Variants in DTWD1 observed in about 807,000 individuals in gnomAD.
The protein encoded by DTWD1 is tRNA-uridine aminocarboxypropyltransferase 1.
A neutral mutation model predicts 30.2 loss-of-function variants in DTWD1; 27 were observed. The observed-to-expected ratio is 0.90, with a 90% CI of 0.66 to 1.23. The LOEUF (loss-of-function observed/expected upper bound fraction) is 1.23. Among genes scored for constraint, DTWD1 ranks in the 50% most tolerant of loss-of-function variants. DTWD1 has a pLI of 0.00. For synonymous variants in DTWD1, 99 were observed against 113.1 expected, an observed-to-expected ratio of 0.88 and a Z score of 0.79; for missense variants, 342 against 348.8, an observed-to-expected ratio of 0.98 and a Z score of 0.15.
chr15:49,623,281 A>G (rs2078793146), intron 1 of DTWD1, among the ~76,000 whole-genome samples: 1 of 152,190 alleles, frequency 6.6e-6, no homozygotes, highest in South Asian at 2.1e-4. Flanking sequence ...AAGCCTCAAA[A>G]TGTTTCTCTG....
At chr15:49,626,630 T>TA (rs1215425655) in intron 2 of DTWD1, 6,563 of 276,586 alleles carry the variant, frequency 0.024, 10 homozygotes, top group South Asian at 0.036. Context: ...AACTTGCCAG[T>TA]AAAAAAAAAA....
In DTWD1 at chr15:49,643,463, A is replaced by T. The variant is rs1365604001; in HGVS notation, c.800A>T (p.Lys267Ile). 6.2e-7 allele frequency: 1 copy of T among 1,609,934 alleles called. No homozygotes were observed. The highest frequency in any genetic ancestry group is 1.1e-5 in the South Asian group (1 of 90,294). ...GTAGACTACCATACTGATATATTAA[A>T]AGAGAAATACAGAGGGCAATATGAC... Reference protein sequence around the residue: ...FLVDYHTDILKEKYRGQYDNL... With the variant: ...FLVDYHTDILIEKYRGQYDNL... Residue 267 changes from lysine to isoleucine, a missense_variant, in exon 5 of 5, where the codon AAA becomes ATA. Lys to Ile is a moderately radical substitution (Grantham distance 102). Transcript: ENST00000403028.
In DTWD1 at chr15:49,643,441, G is replaced by A; in HGVS notation, c.778G>A (p.Asp260Asn). 1 of 1,605,826 alleles carries A rather than the reference G, an allele frequency of 6.2e-7. No individual in the cohort carries two copies. Among genetic ancestry groups the A allele is most frequent in the Non-Finnish European group, 8.5e-7 (1 of 1,176,798 alleles). Reference sequence around the variant, plus strand: ...TGAAGCCATTTACTACTTTCTGGTAGACTACCATACTGATATATTAAAAGA... The same window carrying A: ...TGAAGCCATTTACTACTTTCTGGTAAACTACCATACTGATATATTAAAAGA... The part of the protein sequence containing the change: ...TIEAIYYFLV[D>N]YHTDILKEKY... The change falls in exon 5 of 5, where the codon GAC becomes AAC. Residue 260 changes from aspartate (D) to asparagine (N), a missense_variant. Physicochemically the swap from Asp to Asn is conservative, Grantham distance 23. Transcript: ENST00000403028.
chr15:49,635,069 C>T (rs1287470945), intron 4 of DTWD1, among the ~76,000 whole-genome samples: 1 of 152,242 alleles, frequency 6.6e-6, no homozygotes. Flanking sequence ...CAGTCCCACT[C>T]TGTTGCCCAG....
intron 4 of DTWD1, among the ~76,000 whole-genome samples, chr15:49,635,497 GT>G (rs2078989531): frequency 1.3e-5 from 2 of 151,544 alleles, no homozygotes; most frequent in Admixed American, 1.3e-4. Flanking sequence ...TCTTGTTGTT[GT>G]TTGTTTGTTT....
chr15:49,631,632 G>A (rs1001426674), intron 2 of DTWD1, among the ~76,000 whole-genome samples: 2 of 152,082 alleles, frequency 1.3e-5, no homozygotes, highest in Non-Finnish European at 2.9e-5. Context: ...GGGCATGGTG[G>A]CAGGTGCCTG....
At chr15:49,632,821 C>T (rs560085797) in intron 3 of DTWD1, among the ~76,000 whole-genome samples, 44 of 152,072 alleles carry the variant, frequency 2.9e-4, no homozygotes, top group African/African-American at 9.9e-4. Context: ...CACCCAGTTG[C>T]AATTGTCACA....
Position 49,654,436 on chromosome 15 carries a change from G to C in DTWD1, c.*10858G>C, listed in dbSNP as rs961494951. 1 of 151,948 alleles carries C rather than the reference G, an allele frequency of 6.6e-6. No homozygotes were observed. The highest frequency in any genetic ancestry group is 2.4e-5 in the African/African-American group (1 of 41,386). 9.4% of individuals were successfully genotyped at this position (151,948 alleles called of 1,614,324 possible). On this transcript the variant is annotated 3_prime_UTR_variant, in exon 5 of 5. Transcript: ENST00000403028. ...TCTAACTCACTTTGACCAATAAAAT[G>C]TGGTAAAAGTAAGGTCTGGCAGTTT...
intron 4 of DTWD1, among the ~76,000 whole-genome samples, chr15:49,637,406 G>GT (rs1326206649): frequency 6.6e-6 from 1 of 151,978 alleles, no homozygotes; most frequent in Non-Finnish European, 1.5e-5. Context: ...GGAATCAATT[G>GT]TTTTTCTAAG....
At chr15:49,636,280 C>T (rs1378532540) in intron 4 of DTWD1, among the ~76,000 whole-genome samples, 2 of 151,122 alleles carry the variant, frequency 1.3e-5, no homozygotes, top group African/African-American at 4.9e-5. Flanking sequence ...GGTTGTTTCC[C>T]ATTTTCTACT....
intron 2 of DTWD1, among the ~76,000 whole-genome samples, chr15:49,627,991 T>G (rs2078867026): frequency 6.6e-6 from 1 of 152,244 alleles, no homozygotes; most frequent in Non-Finnish European, 1.5e-5. Flanking sequence ...ACACTTACAT[T>G]TAAACACAAA....
intron 1 of DTWD1, among the ~76,000 whole-genome samples, chr15:49,624,273 G>C (rs2153350927): frequency 6.6e-6 from 1 of 152,206 alleles, no homozygotes; most frequent in East Asian, 1.9e-4. Flanking sequence ...ATGCCAGAAG[G>C]CTTTATAATA....
In DTWD1 at chr15:49,650,354, G is replaced by T. The variant is rs1290661632; in HGVS notation, c.*6776G>T. 1 of 152,088 alleles carries T rather than the reference G, an allele frequency of 6.6e-6. No homozygotes were observed. Among genetic ancestry groups the T allele is most frequent in the Non-Finnish European group, 1.5e-5 (1 of 68,018 alleles). 9.4% of individuals were successfully genotyped at this position (152,088 alleles called of 1,614,324 possible). On this transcript the variant is annotated 3_prime_UTR_variant, in exon 5 of 5. Transcript: ENST00000403028. ...CTTCTTTATGAAAAATAGACTGCAAGAGAGTAAGAAATAAAATAGGAAGAT... is the reference window on the plus strand; with the variant it reads ...CTTCTTTATGAAAAATAGACTGCAATAGAGTAAGAAATAAAATAGGAAGAT...
In DTWD1 at chr15:49,652,012, T is replaced by C. The variant is rs1404010444; in HGVS notation, c.*8434T>C. On this transcript the variant is annotated 3_prime_UTR_variant, in exon 5 of 5. Transcript: ENST00000403028. ...TACAGAGTATGTACTGGATCAATTA[T>C]CCTTATATAGCATGTGCCCCAATAT... 2 of 152,042 alleles carry C rather than the reference T, an allele frequency of 1.3e-5. No homozygotes were observed. The highest frequency in any genetic ancestry group is 2.4e-5 in the African/African-American group (1 of 41,392). 9.4% of individuals were successfully genotyped at this position (152,042 alleles called of 1,614,324 possible).
At chr15:49,631,226 G>C (rs532810450) in intron 2 of DTWD1, among the ~76,000 whole-genome samples, 19 of 152,212 alleles carry the variant, frequency 1.2e-4, no homozygotes, top group East Asian at 7.7e-4. Flanking sequence ...AGAAAGATTG[G>C]GGAGTAGTTA....
At chr15:49,625,595 A>C in intron 2 of DTWD1, 164 bp downstream of exon 2, 1 of 718,108 alleles carries the variant, frequency 1.4e-6, no homozygotes, top group South Asian at 2.0e-5. Context: ...AAAATTTCTC[A>C]GCAGGGCACA....
At chr15:49,629,851 A>C (rs939858015) in intron 2 of DTWD1, 2 of 152,226 alleles carry the variant, frequency 1.3e-5, no homozygotes, top group Non-Finnish European at 2.9e-5. Flanking sequence ...TAGGAGATAC[A>C]GCATTTGAAA....
rs2079141949 is a variant in DTWD1, at chr15:49,649,750, TAAAAAAA to T, written c.*6173_*6179del. On this transcript the variant is annotated 3_prime_UTR_variant, in exon 5 of 5. Transcript: ENST00000403028. ...GAGACTCCGTCTCAAAAAAAATAAA[TAAAAAAA>T]TAAAAAGTCAGCAAAGGGAAGTTTC... 6.6e-6 allele frequency: 1 copy of T among 151,584 alleles called. No homozygotes were observed. Among genetic ancestry groups the T allele is most frequent in the Non-Finnish European group, 1.5e-5 (1 of 67,896 alleles). The allele number at this position is 151,584 out of a possible 1,614,324, so 9.4% of individuals were successfully genotyped here. A position where few individuals can be genotyped will look rare whatever the true frequency, so the allele number is the denominator to read the frequency against.
Position 49,646,916 on chromosome 15 carries a change from G to A in DTWD1, c.*3338G>A, listed in dbSNP as rs1404640148. The A allele has an allele frequency of 6.6e-6, 1 of 152,116 alleles. No homozygotes were observed. Among genetic ancestry groups the A allele is most frequent in the Admixed American group, 6.5e-5 (1 of 15,268 alleles). 9.4% of individuals were successfully genotyped at this position (152,116 alleles called of 1,614,324 possible). On this transcript the variant is annotated 3_prime_UTR_variant, in exon 5 of 5. Transcript: ENST00000403028. Reference sequence around the variant, plus strand: ...AGGGTCTCTTTTTCTAGGGAAGTCAGGTGTTTTAGTCTGGATTTAGTTAGA... The same window carrying A: ...AGGGTCTCTTTTTCTAGGGAAGTCAAGTGTTTTAGTCTGGATTTAGTTAGA...
Sources: gnomAD v4.1 joint callset for allele counts (sites outside exome capture counted in the v4.1 genomes callset) on GRCh38, gnomAD v4.1.1 for gene constraint, MANE v1.5 for transcripts, NCBI Gene and HGNC (gene_info 2026-07-23, HGNC 2026-07-21) for gene names.